Variants in MAF observed in about 807,000 individuals in gnomAD.
The protein encoded by MAF is transcription factor Maf.
A neutral mutation model predicts 22.0 loss-of-function variants in MAF; 10 were observed. The observed-to-expected ratio is 0.45, with a 90% confidence interval of 0.28 to 0.77. The LOEUF (loss-of-function observed/expected upper bound fraction) is 0.77. Ranked by LOEUF, MAF falls within the 30% of genes least tolerant of loss-of-function variation. MAF has a pLI of 0.12. For synonymous variants in MAF, 337 were observed against 255.8 expected, an observed-to-expected ratio of 1.32 and a Z score of -3.03; for missense variants, 544 against 548.4, an observed-to-expected ratio of 0.99 and a Z score of 0.08.
At chr16:79,203,627 C>T in the MAF span, 2 of 152,040 alleles carry the variant, frequency 1.3e-5, no homozygotes, top group South Asian at 2.1e-4. Flanking sequence ...CTGAAATCCT[C>T]CCTGCTCACA....
chr16:79,589,152 G>A (rs190294284), downstream of MAF, among the ~76,000 whole-genome samples: 1 of 152,020 alleles, frequency 6.6e-6, no homozygotes, highest in Admixed American at 6.5e-5. Context: ...CTCACAAACC[G>A]AGGGTCCCTC....
chr16:79,423,315 A>C, the MAF span, among the ~76,000 whole-genome samples: 1 of 152,096 alleles, frequency 6.6e-6, no homozygotes, highest in Non-Finnish European at 1.5e-5. Flanking sequence ...GGAGGTGGGA[A>C]TGAATTTGGC....
the MAF span, among the ~76,000 whole-genome samples, chr16:79,318,165 G>C: frequency 6.6e-6 from 1 of 152,150 alleles, no homozygotes; most frequent in East Asian, 1.9e-4. Context: ...GGACAGATTG[G>C]TCCTTGCCTT....
the MAF span, among the ~76,000 whole-genome samples, chr16:79,426,835 C>G: frequency 3.3e-5 from 5 of 152,330 alleles, no homozygotes; most frequent in African/African-American, 1.2e-4. Flanking sequence ...GCCCGGAGTG[C>G]TGGGGCCAAC....
the MAF span, among the ~76,000 whole-genome samples, chr16:79,503,668 T>C: frequency 2.0e-5 from 3 of 152,188 alleles, no homozygotes. Flanking sequence ...TTTAGTTTTC[T>C]TGGACAAGAA....
the MAF span, among the ~76,000 whole-genome samples, chr16:79,458,281 T>A: frequency 6.6e-6 from 1 of 152,094 alleles, no homozygotes; most frequent in Non-Finnish European, 1.5e-5. Context: ...TCCTCGTGTC[T>A]CATCAGTCCT....
chr16:79,306,516 G>C, the MAF span, among the ~76,000 whole-genome samples: 1 of 152,144 alleles, frequency 6.6e-6, no homozygotes, highest in Non-Finnish European at 1.5e-5. Context: ...TGGCTTACAA[G>C]GTATTATGAG....
chr16:79,489,816 C>T, the MAF span, among the ~76,000 whole-genome samples: 1 of 152,136 alleles, frequency 6.6e-6, no homozygotes, highest in African/African-American at 2.4e-5. Flanking sequence ...TGGAATGGGT[C>T]TGTGTGAAAC....
chr16:79,419,800 C>T, the MAF span, among the ~76,000 whole-genome samples: 17 of 152,226 alleles, frequency 1.1e-4, no homozygotes, highest in Non-Finnish European at 1.6e-4. Context: ...TTAGGGACAC[C>T]AGGGTGGCAG....
the MAF span, among the ~76,000 whole-genome samples, chr16:79,389,240 T>C: frequency 6.6e-6 from 1 of 152,170 alleles, no homozygotes; most frequent in Non-Finnish European, 1.5e-5. Context: ...TCCCACTGGC[T>C]GAAGATCGCT....
chr16:79,215,038 G>T, the MAF span, among the ~76,000 whole-genome samples: 46 of 152,174 alleles, frequency 3.0e-4, 1 homozygote, highest in African/African-American at 1.1e-3. Context: ...TATGACTACA[G>T]TCTTGCCAGT....
At chr16:79,359,717 C>A in the MAF span, among the ~76,000 whole-genome samples, 1 of 152,172 alleles carries the variant, frequency 6.6e-6, no homozygotes, top group Non-Finnish European at 1.5e-5. Context: ...GGGGGTCAAG[C>A]AGACCCCAGC....
the MAF span, among the ~76,000 whole-genome samples, chr16:79,428,939 A>G: frequency 2.0e-5 from 3 of 152,076 alleles, no homozygotes; most frequent in African/African-American, 7.2e-5. Context: ...GCAATTACAA[A>G]AGCTCCGGTG....
chr16:79,537,740 G>A, the MAF span, among the ~76,000 whole-genome samples: 19 of 152,230 alleles, frequency 1.2e-4, no homozygotes, highest in East Asian at 3.3e-3. Context: ...TCAAACCCAG[G>A]GGCCCTGGGT....
chr16:79,393,926 G>A, the MAF span, among the ~76,000 whole-genome samples: 1 of 152,182 alleles, frequency 6.6e-6, no homozygotes, highest in Non-Finnish European at 1.5e-5. Flanking sequence ...ATGCTTTTAA[G>A]TATTTCCATG....
chr16:79,498,778 G>C, the MAF span, among the ~76,000 whole-genome samples: 83,720 of 152,154 alleles, frequency 0.55, 27,119 homozygotes, highest in East Asian at 0.75. Flanking sequence ...CAGTAAGCAA[G>C]TGCTTTCTTC....
chr16:79,269,748 G>T, the MAF span, among the ~76,000 whole-genome samples: 14 of 152,198 alleles, frequency 9.2e-5, no homozygotes, highest in Admixed American at 3.9e-4. Flanking sequence ...CATGCAAATC[G>T]CCCTGAGTGA....
the MAF span, among the ~76,000 whole-genome samples, chr16:79,244,204 A>G: frequency 6.6e-6 from 1 of 152,080 alleles, no homozygotes; most frequent in Non-Finnish European, 1.5e-5. Flanking sequence ...CAGTATCGGA[A>G]GTTCTGGCCA....
the MAF span, chr16:79,203,393 T>G: frequency 6.6e-6 from 1 of 152,152 alleles, no homozygotes; most frequent in Admixed American, 6.5e-5. Context: ...GGCCTACCTG[T>G]GAGATCTGAA....
Sources: gnomAD v4.1 joint callset for allele counts (sites outside exome capture counted in the v4.1 genomes callset) on GRCh38, gnomAD v4.1.1 for gene constraint, MANE v1.5 for transcripts, NCBI Gene and HGNC (gene_info 2026-07-23, HGNC 2026-07-21) for gene names.